The following LRRC8D variants were observed in gnomAD, a reference collection of about 807,000 sequenced individuals.
LRRC8D encodes leucine rich repeat containing 8 VRAC subunit D.
LRRC8D carries 20 observed loss-of-function variants against 55.8 expected under a neutral mutation model. The observed-to-expected ratio is 0.36, with a 90% CI of 0.25 to 0.52. The LOEUF (loss-of-function observed/expected upper bound fraction) is 0.52. Among genes scored for constraint, LRRC8D ranks in the 20% least tolerant of loss-of-function variants. LRRC8D has a pLI of 0.93. For missense variants in LRRC8D, 651 were observed against 1,030.8 expected (o/e 0.63, Z 5.05); for synonymous variants, 352 against 377.0 (o/e 0.93, Z 0.77).
intron 2 of LRRC8D, among the ~76,000 whole-genome samples, chr1:89,889,993 C>G (rs1342437658): frequency 6.6e-6 from 1 of 152,042 alleles, no homozygotes; most frequent in Non-Finnish European, 1.5e-5. Flanking sequence ...CGAGACCATC[C>G]TGGCTAACAC....
At chr1:89,855,069 C>T (rs1424233409) in intron 2 of LRRC8D, among the ~76,000 whole-genome samples, 1 of 152,162 alleles carries the variant, frequency 6.6e-6, no homozygotes, top group Non-Finnish European at 1.5e-5. Context: ...CTCTCTCTCT[C>T]TCTGGTTGCA....
rs1226487860 is a variant in LRRC8D at position 89,911,115 on chromosome 1, C to T, written c.-2-21952C>T. Among the ~76,000 whole-genome samples the T allele has an allele frequency of 1.3e-5, 2 of 151,934 alleles. No individual in the cohort carries two copies. Among genetic ancestry groups the T allele is most frequent in the African/African-American group, 4.8e-5 (2 of 41,342 alleles). On this transcript the variant is annotated intron_variant, in intron 2 of 2. Transcript: ENST00000337338. The surrounding 1 kb of genome is among the most constrained non-coding windows in gnomAD (Gnocchi z 4.0). ...AGTTTCAGCGGGTGAGAAAGCCTGA[C>T]ACTGCTTGGATTACTTGAATATATA... is the stretch of plus-strand genomic sequence containing the variant.
At chr1:89,912,775 T>C (rs1481652922) in intron 2 of LRRC8D, among the ~76,000 whole-genome samples, 1 of 152,244 alleles carries the variant, frequency 6.6e-6, no homozygotes, top group African/African-American at 2.4e-5. Context: ...TACTATTTTA[T>C]GTTTATACTT....
chr1:89,882,780 A>G (rs1324274261), intron 2 of LRRC8D, among the ~76,000 whole-genome samples: 1 of 152,206 alleles, frequency 6.6e-6, no homozygotes, highest in Admixed American at 6.5e-5. Context: ...GTTCTTTTAG[A>G]AAGTGTGACA....
At chr1:89,930,131 A>G (rs1220530275) in intron 2 of LRRC8D, among the ~76,000 whole-genome samples, 3 of 152,180 alleles carry the variant, frequency 2.0e-5, no homozygotes, top group Non-Finnish European at 2.9e-5. Flanking sequence ...TGTGGTGCCA[A>G]AAAGGTTGAG....
chr1:89,923,841 T>C (rs1328114303), intron 2 of LRRC8D, among the ~76,000 whole-genome samples: 1 of 152,166 alleles, frequency 6.6e-6, no homozygotes, highest in African/African-American at 2.4e-5. Context: ...GGACTCCCTA[T>C]TCAATAAATG....
chr1:89,931,003 ATTTTTTTTTTT>A (rs56714673), intron 2 of LRRC8D, among the ~76,000 whole-genome samples: 1 of 120,962 alleles, frequency 8.3e-6, no homozygotes, highest in Non-Finnish European at 1.7e-5. Flanking sequence ...TTCCTTGGTA[ATTTTTTTTTTT>A]TTTTTTTTTT....
At chr1:89,842,751 TG>T (rs1661167253) in intron 1 of LRRC8D, among the ~76,000 whole-genome samples, 1 of 152,234 alleles carries the variant, frequency 6.6e-6, no homozygotes, top group Admixed American at 6.5e-5. Context: ...AACACTGTAC[TG>T]AAGTCCACTT....
chr1:89,859,956 T>A (rs1176047790), intron 2 of LRRC8D, among the ~76,000 whole-genome samples: 1 of 152,242 alleles, frequency 6.6e-6, no homozygotes, highest in Non-Finnish European at 1.5e-5. Flanking sequence ...TAACTCTAGA[T>A]GAAGAATCAG....
rs1663857458 is a variant in LRRC8D, at chr1:89,936,395, G to A, written c.*750G>A. On this transcript the variant is annotated 3_prime_UTR_variant, in exon 3 of 3. Transcript: ENST00000337338. Reference sequence around the variant, plus strand: ...AGTAATATAGGGTTGCCAATAAATAGAAAATGTTTTCTAAAAATAAATTTT... The same window carrying A: ...AGTAATATAGGGTTGCCAATAAATAAAAAATGTTTTCTAAAAATAAATTTT... 6.0e-6 allele frequency: 1 copy of A among 165,624 alleles called. No individual in the cohort carries two copies. The highest frequency in any genetic ancestry group is 1.5e-5 in the Non-Finnish European group (1 of 68,070). The allele number at this position is 165,624 out of a possible 1,614,324, so 10.3% of individuals were successfully genotyped here.
intron 1 of LRRC8D, among the ~76,000 whole-genome samples, chr1:89,822,585 G>T (rs893914412): frequency 6.6e-6 from 1 of 152,164 alleles, no homozygotes; most frequent in African/African-American, 2.4e-5. Context: ...GTTTGTACCG[G>T]ACTTTGGAAG....
rs1276150835 is a variant in LRRC8D, at chr1:89,892,219, C to T, written c.-2-40848C>T. ...TTAAGCCAGGTGTCCTGAACGCCCTCGCTCCATGTTTGAGTTTTTAAATTA... is the reference window on the plus strand; with the variant it reads ...TTAAGCCAGGTGTCCTGAACGCCCTTGCTCCATGTTTGAGTTTTTAAATTA... On this transcript the variant is annotated intron_variant, in intron 2 of 2. Coordinates refer to ENST00000337338, the MANE Select transcript of LRRC8D (RefSeq NM_001134479.2). Among the ~76,000 whole-genome samples, 7 of 152,234 alleles carry T rather than the reference C, an allele frequency of 4.6e-5. No homozygotes were observed. In the East Asian group the frequency reaches 9.6e-4, roughly 21 times the overall value.
chr1:89,873,963 TC>T (rs1331483448), intron 2 of LRRC8D, among the ~76,000 whole-genome samples: 1 of 152,194 alleles, frequency 6.6e-6, no homozygotes, highest in East Asian at 1.9e-4. Context: ...TGTTCATAGA[TC>T]TAAGCCAGAC....
chr1:89,860,171 C>G (rs576833531), intron 2 of LRRC8D, among the ~76,000 whole-genome samples: 22 of 152,280 alleles, frequency 1.4e-4, no homozygotes, highest in Admixed American at 7.2e-4. Context: ...TTACAAATCT[C>G]CTACCTAAGG....
At chr1:89,851,522 T>C (rs1253887481) in intron 2 of LRRC8D, among the ~76,000 whole-genome samples, 1 of 152,004 alleles carries the variant, frequency 6.6e-6, no homozygotes, top group East Asian at 1.9e-4. Flanking sequence ...TCTTTTTTTT[T>C]TTTTGAGACG....
intron 2 of LRRC8D, among the ~76,000 whole-genome samples, chr1:89,855,055 TTC>T (rs758946632): frequency 2.9e-4 from 44 of 149,812 alleles, no homozygotes; most frequent in East Asian, 3.9e-4. Context: ...TCTATGTTGT[TTC>T]TCTCTCTCTC....
intron 2 of LRRC8D, among the ~76,000 whole-genome samples, chr1:89,926,935 A>T (rs1373074022): frequency 6.6e-6 from 1 of 152,222 alleles, no homozygotes; most frequent in Admixed American, 6.5e-5. Flanking sequence ...AAGGGTAAAT[A>T]ACAACACTTT....
intron 1 of LRRC8D, among the ~76,000 whole-genome samples, chr1:89,840,774 A>G (rs968751621): frequency 6.6e-6 from 1 of 152,244 alleles, no homozygotes; most frequent in Non-Finnish European, 1.5e-5. Flanking sequence ...GTCTAATCGC[A>G]TGAGTCCCAA....
intron 2 of LRRC8D, among the ~76,000 whole-genome samples, chr1:89,877,232 CT>C (rs367807464): frequency 0.13 from 19,335 of 143,936 alleles, 1,325 homozygotes; most frequent in South Asian, 0.17. Flanking sequence ...CTCTCTCTCT[CT>C]TTTTTTTTTT....
Sources: gnomAD v4.1 joint callset for allele counts (sites outside exome capture counted in the v4.1 genomes callset) on GRCh38, gnomAD v4.1.1 for gene constraint, Gnocchi (gnomAD v3.1) non-coding constraint, MANE v1.5 for transcripts, NCBI Gene and HGNC (gene_info 2026-07-23, HGNC 2026-07-21) for gene names.